The following GALNT10 variants were observed in gnomAD, a reference collection of about 807,000 sequenced individuals.
The protein encoded by GALNT10 is polypeptide N-acetylgalactosaminyltransferase 10.
In GALNT10, 41 loss-of-function variants were observed where a neutral mutation model predicts 75.0. The observed-to-expected ratio is 0.55, with a 90% CI of 0.43 to 0.71. GALNT10 has a LOEUF of 0.71. Ranked by LOEUF, GALNT10 falls within the 30% of genes least tolerant of loss-of-function variation. The pLI, the probability that GALNT10 is intolerant of heterozygous loss-of-function variation, is 0.00. For synonymous variants in GALNT10, 302 were observed against 313.0 expected (o/e 0.96, Z 0.37); for missense variants, 727 against 818.5 (o/e 0.89, Z 1.36).
intron 7 of GALNT10, among the ~76,000 whole-genome samples, chr5:154,391,004 G>T (rs1191791030): frequency 6.6e-6 from 1 of 152,224 alleles, no homozygotes; most frequent in Non-Finnish European, 1.5e-5. Flanking sequence ...GGAGGCTCCT[G>T]AGGTCCGGAA....
At chr5:154,363,492 GAAAAAAAAAAAAAAAA>G (rs57710576) in intron 4 of GALNT10, among the ~76,000 whole-genome samples, 5 of 37,518 alleles carry the variant, frequency 1.3e-4, no homozygotes, top group East Asian at 2.3e-3. Context: ...GCGTTTATCT[GAAAAAAAAAAAAAAAA>G]AAAAAAAAAA....
chr5:154,403,910 C>A (rs2113211618), intron 7 of GALNT10, 194 bp from the exon 8 acceptor site: 8 of 654,824 alleles, frequency 1.2e-5, no homozygotes, highest in Middle Eastern at 6.0e-4. Context: ...CAATGGTAAG[C>A]ACTCAGTGCT....
intron 4 of GALNT10, among the ~76,000 whole-genome samples, chr5:154,368,755 A>G (rs1376063318): frequency 2.0e-5 from 3 of 152,200 alleles, no homozygotes; most frequent in East Asian, 1.9e-4. Flanking sequence ...GTCCTGATAT[A>G]AACATAGCTT....
At chr5:154,350,817 C>T (rs1004677808) in intron 4 of GALNT10, among the ~76,000 whole-genome samples, 6 of 152,178 alleles carry the variant, frequency 3.9e-5, no homozygotes, top group African/African-American at 9.7e-5. Context: ...GTAAGTAAAT[C>T]GTGGTAGAAA....
In GALNT10 at chr5:154,253,887, G is replaced by A. The variant is rs74682075; in HGVS notation, c.160-40929G>A. 2.9e-3 allele frequency among the ~76,000 whole-genome samples: 434 copies of A among 152,098 alleles called. 1 individual carries two copies. The highest frequency in any genetic ancestry group is 9.7e-3 in the African/African-American group (403 of 41,478). On this transcript the variant is annotated intron_variant, in intron 1 of 11. Coordinates refer to ENST00000297107, the MANE Select transcript of GALNT10 (RefSeq NM_198321.4). ...TCTTTGCAGATCTACCTCAGTGCAG[G>A]TCTTGATCCGCCCTAGAAGATCAGC...
At chr5:154,311,256 G>A (rs1478146420) in intron 3 of GALNT10, among the ~76,000 whole-genome samples, 2 of 152,078 alleles carry the variant, frequency 1.3e-5, no homozygotes, top group African/African-American at 2.4e-5. Flanking sequence ...TCGATGTACC[G>A]GGCATTGTGC....
At chr5:154,243,911 A>G (rs772150381) in intron 1 of GALNT10, among the ~76,000 whole-genome samples, 2 of 152,154 alleles carry the variant, frequency 1.3e-5, no homozygotes, top group Non-Finnish European at 1.5e-5. Context: ...TACATTCCTG[A>G]GATGTTAGTG....
At chr5:154,354,832 A>G (rs560328693) in intron 4 of GALNT10, among the ~76,000 whole-genome samples, 1 of 152,330 alleles carries the variant, frequency 6.6e-6, no homozygotes, top group African/African-American at 2.4e-5. Flanking sequence ...TAGCTCTTAT[A>G]GCCCCAGGCA....
intron 3 of GALNT10, among the ~76,000 whole-genome samples, chr5:154,316,322 C>T (rs1171478269): frequency 6.6e-6 from 1 of 152,218 alleles, no homozygotes. Flanking sequence ...GGTCCACCTC[C>T]CAGCTGGCCA....
chr5:154,371,929 TGGTG>T (rs1188760655), intron 4 of GALNT10, among the ~76,000 whole-genome samples: 8 of 152,140 alleles, frequency 5.3e-5, no homozygotes, highest in Non-Finnish European at 1.2e-4. Context: ...TCTTACAGCT[TGGTG>T]GTTACAAGTA....
intron 7 of GALNT10, chr5:154,392,729 G>A (rs10064618): frequency 0.52 from 79,453 of 151,876 alleles, 22,357 homozygotes; most frequent in African/African-American, 0.72. Flanking sequence ...TATGAGATAC[G>A]GGAGACAGAA....
intron 3 of GALNT10, among the ~76,000 whole-genome samples, chr5:154,312,324 T>G (rs1472274680): frequency 6.6e-6 from 1 of 152,176 alleles, no homozygotes; most frequent in African/African-American, 2.4e-5. Context: ...TCCACACCTT[T>G]CAGGGGAAGA....
At chr5:154,248,031 A>C (rs1335483035) in intron 1 of GALNT10, among the ~76,000 whole-genome samples, 1 of 152,168 alleles carries the variant, frequency 6.6e-6, no homozygotes, top group East Asian at 1.9e-4. Context: ...AGGGCTGTTG[A>C]ATTTTGTCAA....
chr5:154,358,551 C>T (rs899222538), intron 4 of GALNT10, among the ~76,000 whole-genome samples: 59 of 152,202 alleles, frequency 3.9e-4, no homozygotes, highest in African/African-American at 1.3e-3. Context: ...AGACATTCCA[C>T]TTAAGTCTGG....
chr5:154,218,849 G>C (rs1205884263), intron 1 of GALNT10, among the ~76,000 whole-genome samples: 1 of 152,156 alleles, frequency 6.6e-6, no homozygotes, highest in Non-Finnish European at 1.5e-5. Flanking sequence ...CTTTCCCCGA[G>C]AGTCAGTGCT....
At chr5:154,202,902 G>A (rs1775048254) in intron 1 of GALNT10, among the ~76,000 whole-genome samples, 1 of 152,092 alleles carries the variant, frequency 6.6e-6, no homozygotes, top group Non-Finnish European at 1.5e-5. Flanking sequence ...TCGCAGCCTA[G>A]ACCCCCCTCG....
At chr5:154,216,772 T>G (rs143926428) in intron 1 of GALNT10, among the ~76,000 whole-genome samples, 56 of 152,340 alleles carry the variant, frequency 3.7e-4, no homozygotes, top group African/African-American at 1.3e-3. Flanking sequence ...GTACTCCAGG[T>G]GGACTATATA....
At chr5:154,310,512 C>A (rs981365811) in intron 3 of GALNT10, among the ~76,000 whole-genome samples, 1 of 151,918 alleles carries the variant, frequency 6.6e-6, no homozygotes, top group African/African-American at 2.4e-5. Context: ...CTCTGTCATC[C>A]AGGCTGGAGT....
At chr5:154,257,566 G>A (rs1234919666) in intron 1 of GALNT10, among the ~76,000 whole-genome samples, 1 of 151,990 alleles carries the variant, frequency 6.6e-6, no homozygotes, top group Non-Finnish European at 1.5e-5. Flanking sequence ...CTACTGGGGA[G>A]GCTGAGGCAG....
Sources: allele counts gnomAD v4.1 joint callset (sites outside exome capture counted in the v4.1 genomes callset), GRCh38; gene constraint gnomAD v4.1.1; transcripts MANE v1.5; gene names NCBI Gene and HGNC (gene_info 2026-07-23, HGNC 2026-07-21).